Variants in GTF2IRD1 observed in about 807,000 individuals in gnomAD.
GTF2IRD1 encodes the protein GTF2I repeat domain containing 1.
A neutral mutation model predicts 113.2 loss-of-function variants in GTF2IRD1; 26 were observed. The ratio of observed to expected loss-of-function variants is 0.23; its 90% confidence interval spans 0.17 to 0.32. The LOEUF (loss-of-function observed/expected upper bound fraction) is 0.32, where lower values mean the gene tolerates loss of function less well. Ranked by LOEUF, GTF2IRD1 falls within the 10% of genes least tolerant of loss-of-function variation. The probability of loss-of-function intolerance (pLI) is 1.00; values close to 1 mark genes in which losing one functional copy is unlikely to be tolerated. For missense variants in GTF2IRD1, 864 were observed against 1,280.8 expected (o/e 0.67, Z 4.97); for synonymous variants, 484 against 529.1 (o/e 0.91, Z 1.17).
At chr7:74,454,363 CG>C (rs113589292) in intron 1 of GTF2IRD1, among the ~76,000 whole-genome samples, 187 bp downstream of exon 1, 80,689 of 150,318 alleles carry the variant, frequency 0.54, 22,585 homozygotes, top group East Asian at 0.81. Context: ...AATTCGGGCC[CG>C]GGGGGAGGGG....
intron 22 of GTF2IRD1, among the ~76,000 whole-genome samples, chr7:74,564,292 G>A (rs1252589200): frequency 1.3e-5 from 2 of 152,172 alleles, no homozygotes; most frequent in Non-Finnish European, 2.9e-5. Flanking sequence ...CTCCCAGAGT[G>A]TTGGGATTAC....
chr7:74,456,467 AG>A (rs1158486606), intron 1 of GTF2IRD1, among the ~76,000 whole-genome samples: 1 of 152,054 alleles, frequency 6.6e-6, no homozygotes, highest in East Asian at 1.9e-4. Context: ...GTGGATCACG[AG>A]GTCAGGAGTT....
At chr7:74,563,031 C>A (rs1299221939) in intron 22 of GTF2IRD1, among the ~76,000 whole-genome samples, 1 of 152,148 alleles carries the variant, frequency 6.6e-6, no homozygotes, top group Non-Finnish European at 1.5e-5. Context: ...TATCTGAGTC[C>A]ATTTTGGATC....
At chr7:74,495,945 C>T (rs927083391) in intron 1 of GTF2IRD1, among the ~76,000 whole-genome samples, 2 of 152,160 alleles carry the variant, frequency 1.3e-5, no homozygotes, top group Non-Finnish European at 2.9e-5. Flanking sequence ...TGGCTGGGGC[C>T]AGCCACCTTC....
intron 22 of GTF2IRD1, among the ~76,000 whole-genome samples, chr7:74,564,348 T>C (rs758242656): frequency 1.6e-4 from 24 of 152,168 alleles, no homozygotes; most frequent in Non-Finnish European, 3.4e-4. Flanking sequence ...TTTTTGAAGA[T>C]GAATCAGTCA....
chr7:74,460,844 G>T (rs543086769), intron 1 of GTF2IRD1, among the ~76,000 whole-genome samples: 1 of 152,312 alleles, frequency 6.6e-6, no homozygotes, highest in Non-Finnish European at 1.5e-5. Context: ...GGGAGACCCC[G>T]CCACGGGGGC....
At position 74,531,723 on chromosome 7, in the gene GTF2IRD1, G is replaced by GA. The variant is rs782259967; in HGVS notation, c.1274+1817dup. ...CGTAGCAAGACCCCATCTCCAAAAAGAAAAAAAAAAAGTGGGGGGAGCCAG... is the reference window on the plus strand; with the variant it reads ...CGTAGCAAGACCCCATCTCCAAAAAGAAAAAAAAAAAAGTGGGGGGAGCCAG... On this transcript the variant is annotated intron_variant, in intron 9 of 26. Coordinates refer to ENST00000424337, the MANE Select transcript of GTF2IRD1 (RefSeq NM_005685.4). 5.8e-4 allele frequency among the ~76,000 whole-genome samples: 84 copies of GA among 144,956 alleles called. 1 individual carries two copies. In the South Asian group the frequency reaches 0.011, roughly 19 times the overall value.
chr7:74,465,737 G>A (rs1198121946), intron 1 of GTF2IRD1, among the ~76,000 whole-genome samples: 2 of 151,814 alleles, frequency 1.3e-5, no homozygotes, highest in East Asian at 1.9e-4. Context: ...CCCTCTGTCC[G>A]TGGGGTGTGG....
intron 1 of GTF2IRD1, among the ~76,000 whole-genome samples, chr7:74,484,803 A>C (rs1794932529): frequency 6.6e-6 from 1 of 152,076 alleles, no homozygotes; most frequent in South Asian, 2.1e-4. Context: ...GTATGGATAG[A>C]CTGTGGTTTT....
chr7:74,496,421 G>T (rs1369010125), intron 1 of GTF2IRD1, among the ~76,000 whole-genome samples: 2 of 149,702 alleles, frequency 1.3e-5, no homozygotes, highest in African/African-American at 5.0e-5. Flanking sequence ...GGGTGTCAAT[G>T]TGTGTGCATG....
intron 9 of GTF2IRD1, among the ~76,000 whole-genome samples, chr7:74,534,857 C>T (rs782415875): frequency 5.9e-5 from 9 of 152,180 alleles, no homozygotes; most frequent in African/African-American, 1.2e-4. Context: ...GAGCCAAGAT[C>T]GCACCACTGC....
intron 1 of GTF2IRD1, among the ~76,000 whole-genome samples, chr7:74,471,675 A>T (rs1403003206): frequency 1.9e-4 from 7 of 36,808 alleles, no homozygotes; most frequent in African/African-American, 6.2e-4. Flanking sequence ...AAATATTTAA[A>T]AAAAAAAAAA....
rs61151844 is a variant in GTF2IRD1, at chr7:74,476,366, C to CTTTTTT, written c.-7+22196_-7+22201dup. Among the ~76,000 whole-genome samples the CTTTTTT allele has an allele frequency of 8.1e-4, 99 of 122,050 alleles. 1 individual carries two copies. The highest frequency in any genetic ancestry group is 9.1e-3 in the Middle Eastern group (2 of 220). The allele number at this position is 122,050 out of a possible 152,430, so 80.1% of individuals were successfully genotyped here. ...CCCGCTTGGAAGCCTTCTGAACCTC[C>CTTTTTT]TTTTTTTTTTTCTTTTGAGACGGAG... On this transcript the variant is annotated intron_variant, in intron 1 of 26. Coordinates refer to ENST00000424337, the MANE Select transcript of GTF2IRD1 (RefSeq NM_005685.4).
chr7:74,462,722 C>G (rs574703507), intron 1 of GTF2IRD1, among the ~76,000 whole-genome samples: 2 of 152,346 alleles, frequency 1.3e-5, no homozygotes, highest in Admixed American at 6.5e-5. Context: ...CTACCCACCC[C>G]CCACATCAAG....
chr7:74,527,794 T>C (rs1357087818), intron 8 of GTF2IRD1, among the ~76,000 whole-genome samples: 3 of 152,080 alleles, frequency 2.0e-5, no homozygotes, highest in Non-Finnish European at 4.4e-5. Flanking sequence ...TGAGCCAAGA[T>C]TGTGCCGCTG....
intron 1 of GTF2IRD1, among the ~76,000 whole-genome samples, chr7:74,490,175 C>T (rs1795257208): frequency 6.6e-6 from 1 of 152,092 alleles, no homozygotes; most frequent in African/African-American, 2.4e-5. Flanking sequence ...ACTGTGCTGC[C>T]CAGGCTGATC....
chr7:74,591,932 G>GTT (rs1167078776), intron 24 of GTF2IRD1, among the ~76,000 whole-genome samples: 22 of 142,804 alleles, frequency 1.5e-4, no homozygotes, highest in Non-Finnish European at 1.5e-4. Context: ...GGGTGGCCCA[G>GTT]TTTTTTTTTT....
intron 3 of GTF2IRD1, among the ~76,000 whole-genome samples, chr7:74,513,618 A>G (rs1233309883): frequency 6.6e-6 from 1 of 152,128 alleles, no homozygotes; most frequent in African/African-American, 2.4e-5. Flanking sequence ...TTCCAATAAG[A>G]TTTATTGAAT....
intron 14 of GTF2IRD1, among the ~76,000 whole-genome samples, chr7:74,544,407 A>C (rs1271068185): frequency 6.6e-6 from 1 of 152,148 alleles, no homozygotes; most frequent in Non-Finnish European, 1.5e-5. Context: ...GCTGGTCTCA[A>C]ACTCCTGGCC....
Sources: allele counts gnomAD v4.1 joint callset (sites outside exome capture counted in the v4.1 genomes callset), GRCh38; gene constraint gnomAD v4.1.1; transcripts MANE v1.5; gene names NCBI Gene and HGNC (gene_info 2026-07-23, HGNC 2026-07-21).